APC: variants seen among roughly 807,000 people sequenced by gnomAD.
The protein encoded by APC is APC regulator of Wnt signaling pathway, also known as adenomatous polyposis coli protein.
APC carries 72 observed loss-of-function variants against 247.0 expected under a neutral mutation model. That is an observed-to-expected ratio of 0.29 (90% confidence interval 0.24 to 0.35). The LOEUF (loss-of-function observed/expected upper bound fraction) is 0.35, where lower values mean the gene tolerates loss of function less well. Among genes scored for constraint, APC ranks in the 10% least tolerant of loss-of-function variants. The pLI, the probability that APC is intolerant of heterozygous loss-of-function variation, is 1.00. For synonymous variants in APC, 1,254 were observed against 1,162.5 expected (o/e 1.08, Z -1.60); for missense variants, 3,400 against 3,360.7 (o/e 1.01, Z -0.29).
chr5:112,812,473 TC>T (rs35332834), intron 8 of APC, among the ~76,000 whole-genome samples: 1 of 152,136 alleles, frequency 6.6e-6, no homozygotes, highest in East Asian at 1.9e-4. Flanking sequence ...TAGTTCTGCC[TC>T]CCCTTCCTCT....
rs370625664 is a variant in APC at position 112,803,649 on chromosome 5, G to A, written c.834+2266G>A. On this transcript the variant is annotated intron_variant, in intron 8 of 15. Transcript: ENST00000257430. Reference sequence around the variant, plus strand: ...GTAACCGATTCTGTTGTTAACAAGTGTTAATAATTATCTTTAAATTAACAA... The same window carrying A: ...GTAACCGATTCTGTTGTTAACAAGTATTAATAATTATCTTTAAATTAACAA... 3.9e-5 allele frequency among the ~76,000 whole-genome samples: 6 copies of A among 152,320 alleles called. No homozygotes were observed. The East Asian group carries it at 7.7e-4, about 20-fold the overall frequency.
rs374698540 is a variant in APC at position 112,784,317 on chromosome 5, C to G, written c.645+3414C>G. Among the ~76,000 whole-genome samples, 881 of 152,320 alleles carry G rather than the reference C, an allele frequency of 5.8e-3. 6 individuals are homozygous for G. Among genetic ancestry groups the G allele is most frequent in the Middle Eastern group, 0.01 (3 of 294 alleles). ...TCTTGGCCTCAAGTGATCTGCCTGC[C>G]TTGACCTCCCAAAGTGCTGGGATTA... On this transcript the variant is annotated intron_variant, in intron 6 of 15. Transcript: ENST00000257430.
At chr5:112,730,440 G>C (rs957251185) in intron 1 of APC, among the ~76,000 whole-genome samples, 4 of 152,226 alleles carry the variant, frequency 2.6e-5, no homozygotes, top group African/African-American at 9.7e-5. Context: ...CCATTTCACT[G>C]TTGGGTGAAT....
chr5:112,734,857 C>T (rs1447415404), upstream of APC, among the ~76,000 whole-genome samples: 3 of 144,908 alleles, frequency 2.1e-5, no homozygotes, highest in South Asian at 6.6e-4. Flanking sequence ...GTGGTGTGAT[C>T]TCGGCTCACT....
At position 112,822,730 on chromosome 5, in the gene APC, A is replaced by G. The variant is rs1241279711; in HGVS notation, c.1408+739A>G. Among the ~76,000 whole-genome samples the G allele has an allele frequency of 1.3e-5, 2 of 152,212 alleles. No homozygotes were observed. Among genetic ancestry groups the G allele is most frequent in the Admixed American group, 6.5e-5 (1 of 15,276 alleles). The stretch of plus-strand genomic sequence containing the variant: ...TCTAGTCATGCCACAAGCAAGAACC[A>G]TACGCTTAATTCCCATTTTAGTGTA... On this transcript the variant is annotated intron_variant, in intron 11 of 15. Coordinates refer to ENST00000257430, the MANE Select transcript of APC (RefSeq NM_000038.6).
At chr5:112,808,715 A>G (rs952863041) in intron 8 of APC, among the ~76,000 whole-genome samples, 1 of 151,890 alleles carries the variant, frequency 6.6e-6, no homozygotes, top group Non-Finnish European at 1.5e-5. Context: ...TGGCTTCCAA[A>G]TGTTTTTTTT....
intron 8 of APC, among the ~76,000 whole-genome samples, chr5:112,813,893 C>G (rs1348257792): frequency 6.6e-6 from 1 of 152,192 alleles, no homozygotes; most frequent in Non-Finnish European, 1.5e-5. Flanking sequence ...TCCTCAAAAC[C>G]TATTACTCCC....
At chr5:112,781,204 T>C (rs137933828) in intron 6 of APC, among the ~76,000 whole-genome samples, 7 of 152,292 alleles carry the variant, frequency 4.6e-5, no homozygotes, top group African/African-American at 1.7e-4. Context: ...TCCTTTGAAA[T>C]TTTTACTTCT....
At chr5:112,833,848 A>G (rs1041535277) in intron 14 of APC, among the ~76,000 whole-genome samples, 1 of 152,238 alleles carries the variant, frequency 6.6e-6, no homozygotes, top group Non-Finnish European at 1.5e-5. Context: ...TGCTTTTTAT[A>G]TAAACAGAAT....
chr5:112,742,072 T>C (rs934314717), intron 1 of APC, among the ~76,000 whole-genome samples: 1 of 152,232 alleles, frequency 6.6e-6, no homozygotes, highest in Non-Finnish European at 1.5e-5. Flanking sequence ...TGAATAATGC[T>C]ACTATGAACG....
At position 112,843,358 on chromosome 5, in the gene APC, T is replaced by G. The variant is rs757073062; in HGVS notation, c.7764T>G (p.Asp2588Glu). Residue 2588 changes from aspartate (D) to glutamate (E), a missense_variant, in exon 16 of 16, where the codon GAT becomes GAG. Physicochemically the swap from Asp to Glu is conservative, Grantham distance 45. Coordinates refer to ENST00000257430, the MANE Select transcript of APC (RefSeq NM_000038.6). The surrounding 1 kb of genome is among the most constrained non-coding windows in gnomAD (Gnocchi z 4.8). Reference sequence around the variant, plus strand: ...CCAGTGAAAAAGCAAAAAGTGAGGATGAAAAACATGTGAACTCTATTTCAG... The same window carrying G: ...CCAGTGAAAAAGCAAAAAGTGAGGAGGAAAAACATGTGAACTCTATTTCAG... Reference protein sequence around the residue: ...SESSEKAKSEDEKHVNSISGT... With the variant: ...SESSEKAKSEEEKHVNSISGT... 3.7e-6 allele frequency: 6 copies of G among 1,613,840 alleles called. No individual in the cohort carries two copies. The South Asian group carries it at 6.6e-5, about 18-fold the overall frequency.
At chr5:112,757,049 T>C (rs949048688) in intron 2 of APC, among the ~76,000 whole-genome samples, 2 of 152,176 alleles carry the variant, frequency 1.3e-5, no homozygotes, top group Non-Finnish European at 2.9e-5. Flanking sequence ...ATGCTCAACC[T>C]ATATACATCA....
At chr5:112,738,912 G>C (rs967753767) in intron 1 of APC, among the ~76,000 whole-genome samples, 2 of 152,160 alleles carry the variant, frequency 1.3e-5, no homozygotes, top group African/African-American at 4.8e-5. Flanking sequence ...AATAAATTAT[G>C]TATGAAACAG....
At position 112,769,528 on chromosome 5, in the gene APC, G is replaced by T. The variant is rs1299749660; in HGVS notation, c.422+2138G>T. Among the ~76,000 whole-genome samples, 9 of 151,824 alleles carry T rather than the reference G, an allele frequency of 5.9e-5. No homozygotes were observed. The South Asian group carries it at 1.7e-3, about 28-fold the overall frequency. ...TCAGGAACTTCGTCAAATGTTTTAT[G>T]TCCCCTAAAAGATTCCTTAATGCAC... On this transcript the variant is annotated intron_variant, in intron 4 of 15. Transcript: ENST00000257430.
At position 112,819,313 on chromosome 5, in the gene APC, T is replaced by C. The variant is rs770616197; in HGVS notation, c.1281T>C (p.His427=). The C allele has an allele frequency of 1.2e-6, 2 of 1,614,054 alleles. No individual in the cohort carries two copies. Among genetic ancestry groups the C allele is most frequent in the Non-Finnish European group, 1.7e-6 (2 of 1,179,958 alleles). ...CETCWEWQEA[H]EPGMDQDKNP... ...CCTGTTGGGAGTGGCAGGAAGCTCA[T>C]GAACCAGGCATGGACCAGGACAAAA... The change falls in exon 10 of 16, where the codon CAT becomes CAC. Residue 427 remains histidine, a synonymous_variant. Transcript: ENST00000257430.
intron 6 of APC, among the ~76,000 whole-genome samples, chr5:112,783,984 G>A (rs191216185): frequency 3.2e-3 from 480 of 151,846 alleles, no homozygotes; most frequent in Middle Eastern, 0.017. Context: ...TCAGCTGCCC[G>A]AAACTTTATA....
intron 8 of APC, among the ~76,000 whole-genome samples, chr5:112,805,880 T>C (rs1246768339): frequency 6.6e-6 from 1 of 152,194 alleles, no homozygotes; most frequent in African/African-American, 2.4e-5. Flanking sequence ...CCCACAATCA[T>C]TCTCTTTGAA....
upstream of APC, among the ~76,000 whole-genome samples, chr5:112,734,860 G>A (rs1414399583): frequency 2.7e-5 from 4 of 149,058 alleles, no homozygotes; most frequent in East Asian, 2.0e-4. Context: ...GTGTGATCTC[G>A]GCTCACTGCA....
In APC at chr5:112,843,296, G is replaced by A. The variant is rs2149992180; in HGVS notation, c.7702G>A (p.Gly2568Arg). The change falls in exon 16 of 16, where the codon GGA becomes AGA. Residue 2568 changes from glycine (G) to arginine (R), a missense_variant. Transcript: ENST00000257430. The surrounding 1 kb of genome is among the most constrained non-coding windows in gnomAD (Gnocchi z 4.8). ...LPRVSTWRRT[G>R]SSSSILSASS... ...TCGAGTAAGCACTTGGAGAAGAACT[G>A]GAAGTTCATCTTCAATTCTTTCTGC... The A allele has an allele frequency of 6.2e-7, 1 of 1,612,830 alleles. No homozygotes were observed. Among genetic ancestry groups the A allele is most frequent in the Non-Finnish European group, 8.5e-7 (1 of 1,178,920 alleles).
Sources: gnomAD v4.1 joint callset for allele counts (sites outside exome capture counted in the v4.1 genomes callset) on GRCh38, gnomAD v4.1.1 for gene constraint, Gnocchi (gnomAD v3.1) non-coding constraint, MANE v1.5 for transcripts, NCBI Gene and HGNC (gene_info 2026-07-23, HGNC 2026-07-21) for gene names.